The following ACOXL variants were observed in gnomAD, a reference collection of about 807,000 sequenced individuals.
The protein encoded by ACOXL is acyl-CoA oxidase like.
Under a neutral mutation model 71.9 loss-of-function variants are expected in ACOXL, and 70 were observed. That is an observed-to-expected ratio of 0.97 (90% CI 0.80 to 1.19). The LOEUF is 1.19. Among genes scored for constraint, ACOXL ranks in the 50% most tolerant of loss-of-function variants. ACOXL has a pLI of 0.00. For missense variants in ACOXL, 703 were observed against 736.3 expected, an observed-to-expected ratio of 0.95 and a Z score of 0.52; for synonymous variants, 253 against 281.6, an observed-to-expected ratio of 0.90 and a Z score of 1.02.
chr2:111,090,139 T>C (rs2068440840), intron 16 of ACOXL, among the ~76,000 whole-genome samples: 1 of 152,184 alleles, frequency 6.6e-6, no homozygotes, highest in African/African-American at 2.4e-5. Context: ...CTATGAGTTA[T>C]AGGAAATTGG....
intron 9 of ACOXL, among the ~76,000 whole-genome samples, chr2:110,832,800 C>T (rs983794549): frequency 6.6e-6 from 1 of 152,148 alleles, no homozygotes; most frequent in Admixed American, 6.5e-5. Context: ...AAAAGACATA[C>T]AGATGGCAAA....
intron 16 of ACOXL, among the ~76,000 whole-genome samples, chr2:111,073,462 C>A (rs2067438600): frequency 6.6e-6 from 1 of 152,094 alleles, no homozygotes. Flanking sequence ...TCAAGATATG[C>A]TTATCTTTTG....
chr2:110,990,341 A>G (rs2063122343), intron 13 of ACOXL, among the ~76,000 whole-genome samples: 1 of 152,180 alleles, frequency 6.6e-6, no homozygotes, highest in Admixed American at 6.5e-5. Flanking sequence ...TTTGTAGTTA[A>G]TGATTTATTA....
chr2:111,093,372 A>G (rs1250647755), intron 17 of ACOXL: 15 of 1,348,798 alleles, frequency 1.1e-5, no homozygotes, highest in Non-Finnish European at 1.6e-5. Context: ...GCTACGGAGC[A>G]CCTGAAAAAG....
intron 11 of ACOXL, among the ~76,000 whole-genome samples, chr2:110,915,432 T>A (rs1311661540): frequency 1.4e-5 from 2 of 142,952 alleles, no homozygotes; most frequent in African/African-American, 5.1e-5. Context: ...ATATATATTT[T>A]TTTTTTTTTG....
Position 110,739,202 on chromosome 2 carries a change from C to A in ACOXL, c.-23+6428C>A, listed in dbSNP as rs564159509. Among the ~76,000 whole-genome samples the A allele has an allele frequency of 1.4e-4, 21 of 152,232 alleles. No individual in the cohort carries two copies. The East Asian group carries it at 3.5e-3, about 25-fold the overall frequency. On this transcript the variant is annotated intron_variant, in intron 1 of 17. Coordinates refer to ENST00000439055, the MANE Select transcript of ACOXL (RefSeq NM_001142807.4). ...TGAATAGAAGGCTGGTTGCAAATGGCGGGGTTTGTTGGGCCCGGGCTTTCT... is the reference window on the plus strand; with the variant it reads ...TGAATAGAAGGCTGGTTGCAAATGGAGGGGTTTGTTGGGCCCGGGCTTTCT...
chr2:110,939,350 C>T (rs1558759961), intron 12 of ACOXL, among the ~76,000 whole-genome samples: 1 of 152,160 alleles, frequency 6.6e-6, no homozygotes, highest in Non-Finnish European at 1.5e-5. Context: ...AATTATACTT[C>T]TCAGAGATGA....
intron 10 of ACOXL, 88 bp downstream of exon 10, chr2:110,841,493 T>A: frequency 9.3e-7 from 1 of 1,076,136 alleles, no homozygotes; most frequent in South Asian, 1.4e-5. Context: ...TTTGAGCTTT[T>A]TTTTGGTGGT....
intron 13 of ACOXL, among the ~76,000 whole-genome samples, chr2:110,989,605 G>A (rs2063085599): frequency 6.6e-6 from 1 of 152,132 alleles, no homozygotes; most frequent in Admixed American, 6.5e-5. Flanking sequence ...GGTTCCCAGG[G>A]GCTAAGAAGA....
At chr2:111,017,635 A>G (rs2064522890) in intron 14 of ACOXL, among the ~76,000 whole-genome samples, 1 of 152,166 alleles carries the variant, frequency 6.6e-6, no homozygotes, top group South Asian at 2.1e-4. Flanking sequence ...CAACGCCTTC[A>G]CCTTCTCTGG....
chr2:110,768,625 AT>A (rs1681449187), intron 2 of ACOXL, among the ~76,000 whole-genome samples, 161 bp downstream of exon 2: 1 of 151,636 alleles, frequency 6.6e-6, no homozygotes, highest in Non-Finnish European at 1.5e-5. Context: ...TGGAGGTTTG[AT>A]GTACAGAGTA....
At chr2:110,901,642 CCACACACA>C (rs10537484) in intron 10 of ACOXL, among the ~76,000 whole-genome samples, 11 of 147,120 alleles carry the variant, frequency 7.5e-5, no homozygotes, top group South Asian at 2.2e-4. Flanking sequence ...TATCTCTACG[CCACACACA>C]CACACACACA....
intron 12 of ACOXL, among the ~76,000 whole-genome samples, chr2:110,972,442 G>A (rs1376460786): frequency 2.0e-5 from 3 of 152,100 alleles, no homozygotes; most frequent in African/African-American, 4.8e-5. Flanking sequence ...TGATCCAGCC[G>A]GAAACACTTC....
At chr2:110,987,061 C>T in intron 12 of ACOXL, 47 bp from the exon 13 acceptor site, 1 of 1,481,002 alleles carries the variant, frequency 6.8e-7, no homozygotes, top group Non-Finnish European at 9.2e-7. Flanking sequence ...AAGATACTGT[C>T]ATTTTTTACA....
At chr2:110,874,003 G>A (rs545681403) in intron 10 of ACOXL, among the ~76,000 whole-genome samples, 248 of 152,316 alleles carry the variant, frequency 1.6e-3, no homozygotes, top group African/African-American at 5.9e-3. Flanking sequence ...CTGGCCCTCT[G>A]GGTACAAGAC....
intron 14 of ACOXL, among the ~76,000 whole-genome samples, chr2:111,002,163 C>T (rs1327986451): frequency 6.6e-6 from 1 of 152,190 alleles, no homozygotes; most frequent in African/African-American, 2.4e-5. Flanking sequence ...GGACAGACAG[C>T]CAGCAACTGG....
intron 9 of ACOXL, among the ~76,000 whole-genome samples, chr2:110,838,346 C>A (rs1416771174): frequency 6.6e-6 from 1 of 151,840 alleles, no homozygotes; most frequent in East Asian, 1.9e-4. Context: ...TGTACATGTG[C>A]TGTGTGTGTG....
intron 10 of ACOXL, among the ~76,000 whole-genome samples, chr2:110,849,159 C>T (rs1692287603): frequency 6.6e-6 from 1 of 152,194 alleles, no homozygotes; most frequent in Admixed American, 6.5e-5. Flanking sequence ...TCTATTTCTT[C>T]TCCTTCCTGT....
At chr2:111,063,829 G>C (rs1056615697) in intron 16 of ACOXL, among the ~76,000 whole-genome samples, 1 of 152,164 alleles carries the variant, frequency 6.6e-6, no homozygotes, top group Non-Finnish European at 1.5e-5. Context: ...AATAAAGGGA[G>C]ACAAAAGTAG....
Sources: allele counts gnomAD v4.1 joint callset (sites outside exome capture counted in the v4.1 genomes callset), GRCh38; gene constraint gnomAD v4.1.1; transcripts MANE v1.5; gene names NCBI Gene and HGNC (gene_info 2026-07-23, HGNC 2026-07-21).